The following CAMKMT variants were observed in gnomAD, a reference collection of about 807,000 sequenced individuals.
The protein encoded by CAMKMT is CaM KMT.
A neutral mutation model predicts 48.0 loss-of-function variants in CAMKMT; 53 were observed. The ratio of observed to expected loss-of-function variants is 1.10; its 90% CI spans 0.89 to 1.39. The LOEUF (loss-of-function observed/expected upper bound fraction) is 1.39, where lower values mean the gene tolerates loss of function less well. Among genes scored for constraint, CAMKMT ranks in the 40% most tolerant of loss-of-function variants. The probability of loss-of-function intolerance (pLI) is 0.00; values close to 1 mark genes in which losing one functional copy is unlikely to be tolerated. For missense variants in CAMKMT, 428 were observed against 402.7 expected, an observed-to-expected ratio of 1.06 and a Z score of -0.54; for synonymous variants, 165 against 152.3, an observed-to-expected ratio of 1.08 and a Z score of -0.61.
At chr2:44,543,052 G>C (rs898818037) in intron 3 of CAMKMT, among the ~76,000 whole-genome samples, 2 of 152,130 alleles carry the variant, frequency 1.3e-5, no homozygotes, top group East Asian at 3.8e-4. Context: ...TCGTTTACTA[G>C]TATCTTTAAC....
chr2:44,453,132 A>T (rs1667380276), intron 3 of CAMKMT, among the ~76,000 whole-genome samples: 1 of 151,984 alleles, frequency 6.6e-6, no homozygotes, highest in South Asian at 2.1e-4. Context: ...CTATTGTCTA[A>T]TTTGGTGTGC....
chr2:44,658,770 G>C (rs1468765000), intron 3 of CAMKMT, among the ~76,000 whole-genome samples: 1 of 152,130 alleles, frequency 6.6e-6, no homozygotes, highest in Non-Finnish European at 1.5e-5. Flanking sequence ...ATTGTCTTCA[G>C]AGTTCAGGTC....
At chr2:44,666,970 C>T (rs1269974515) in intron 3 of CAMKMT, among the ~76,000 whole-genome samples, 2 of 152,178 alleles carry the variant, frequency 1.3e-5, no homozygotes, top group East Asian at 3.8e-4. Context: ...TACCCCCAAA[C>T]CTTCTGCACT....
chr2:44,521,776 A>T (rs1671125528), intron 3 of CAMKMT, among the ~76,000 whole-genome samples: 1 of 152,012 alleles, frequency 6.6e-6, no homozygotes, highest in African/African-American at 2.4e-5. Context: ...TATCCCTTGA[A>T]CTCAGGAATT....
chr2:44,694,309 C>T (rs966480528), intron 3 of CAMKMT, among the ~76,000 whole-genome samples: 2 of 152,174 alleles, frequency 1.3e-5, no homozygotes, highest in African/African-American at 4.8e-5. Flanking sequence ...TGCGGTGGCT[C>T]ATGCCTGTAA....
chr2:44,405,078 T>A lies in CAMKMT; in HGVS notation c.376+14773T>A, dbSNP rs563769910. Reference sequence around the variant, plus strand: ...TTGTAAAAAATGAATGATAGATACATGGGAGTTCATTATTTTCTATCTCTA... The same window carrying A: ...TTGTAAAAAATGAATGATAGATACAAGGGAGTTCATTATTTTCTATCTCTA... On this transcript the variant is annotated intron_variant, in intron 3 of 10. Transcript: ENST00000378494. Among the ~76,000 whole-genome samples, 24 of 152,166 alleles carry A rather than the reference T, an allele frequency of 1.6e-4. 1 individual carries two copies. The East Asian group carries it at 3.7e-3, about 23-fold the overall frequency.
chr2:44,618,256 C>T lies in CAMKMT; in HGVS notation c.377-86027C>T, dbSNP rs796671351. Among the ~76,000 whole-genome samples the T allele has an allele frequency of 4.6e-5, 7 of 152,252 alleles. No homozygotes were observed. Among genetic ancestry groups the T allele is most frequent in the African/African-American group, 1.7e-4 (7 of 41,520 alleles). ...ACAAACTTTATTGAATTTGACTTAA[C>T]AGAAGTCAGAAGACAGCTGAAGCAT... is the stretch of plus-strand genomic sequence containing the variant. On this transcript the variant is annotated intron_variant, in intron 3 of 10. Coordinates refer to ENST00000378494, the MANE Select transcript of CAMKMT (RefSeq NM_024766.5). This position sits in a 1 kb window ranked among gnomAD's most constrained non-coding sequence, Gnocchi z 4.0.
intron 2 of CAMKMT, among the ~76,000 whole-genome samples, chr2:44,382,655 A>G (rs984492883): frequency 2.0e-5 from 3 of 151,252 alleles, no homozygotes; most frequent in African/African-American, 7.3e-5. Context: ...ATCTTTTTGT[A>G]TTTTTAGTAG....
chr2:44,758,593 T>C (rs1470511547), intron 9 of CAMKMT, among the ~76,000 whole-genome samples: 8 of 152,102 alleles, frequency 5.3e-5, no homozygotes, highest in Admixed American at 5.2e-4. Context: ...AACAATAGAA[T>C]AGGCATGAAA....
rs1431375963 is a variant in CAMKMT, at chr2:44,591,715, A to G, written c.377-112568A>G. 8.8e-4 allele frequency among the ~76,000 whole-genome samples: 133 copies of G among 151,526 alleles called. 1 individual carries two copies. Among genetic ancestry groups the G allele is most frequent in the South Asian group, 3.4e-3 (16 of 4,766 alleles). On this transcript the variant is annotated intron_variant, in intron 3 of 10. Transcript: ENST00000378494. ...TGACCCAGCCATCCCATTACTGGGT[A>G]TATACCCAAAGGACTATAAATCATG...
intron 3 of CAMKMT, among the ~76,000 whole-genome samples, chr2:44,495,531 C>G (rs1257515128): frequency 6.6e-6 from 1 of 152,098 alleles, no homozygotes; most frequent in Non-Finnish European, 1.5e-5. Flanking sequence ...TGAAAAAAAT[C>G]ATGAAAATAT....
intron 3 of CAMKMT, among the ~76,000 whole-genome samples, chr2:44,667,733 A>G (rs1210913095): frequency 2.0e-5 from 3 of 152,184 alleles, no homozygotes; most frequent in Non-Finnish European, 4.4e-5. Flanking sequence ...CAGGTCAAGC[A>G]TCCCATTCTC....
intron 3 of CAMKMT, among the ~76,000 whole-genome samples, chr2:44,514,014 A>G (rs188134587): frequency 1.3e-4 from 19 of 151,926 alleles, no homozygotes; most frequent in Admixed American, 1.1e-3. Flanking sequence ...AGGTGGGAGA[A>G]TCACCTGGGT....
chr2:44,568,302 A>T (rs1367033652), intron 3 of CAMKMT, among the ~76,000 whole-genome samples: 1 of 152,198 alleles, frequency 6.6e-6, no homozygotes, highest in East Asian at 1.9e-4. Context: ...TCAAAAGTTT[A>T]TGTGTGTTGT....
At chr2:44,690,194 A>C (rs1226337344) in intron 3 of CAMKMT, among the ~76,000 whole-genome samples, 1 of 152,228 alleles carries the variant, frequency 6.6e-6, no homozygotes, top group Non-Finnish European at 1.5e-5. Context: ...TAATTTCTTT[A>C]AAATGTCACA....
chr2:44,743,347 AG>A (rs1679783898), intron 7 of CAMKMT, among the ~76,000 whole-genome samples: 1 of 152,204 alleles, frequency 6.6e-6, no homozygotes, highest in Non-Finnish European at 1.5e-5. Flanking sequence ...ACTACGGTAA[AG>A]ATAAGATATT....
At chr2:44,435,681 C>G (rs1027625985) in intron 3 of CAMKMT, among the ~76,000 whole-genome samples, 1 of 152,174 alleles carries the variant, frequency 6.6e-6, no homozygotes, top group African/African-American at 2.4e-5. Context: ...TTTGGTATGT[C>G]TTTAGCTTTT....
chr2:44,703,615 T>C (rs1677375934), intron 3 of CAMKMT, among the ~76,000 whole-genome samples: 1 of 151,906 alleles, frequency 6.6e-6, no homozygotes, highest in African/African-American at 2.4e-5. Flanking sequence ...CAGTCTCTAC[T>C]GAAAATACAA....
At chr2:44,420,498 T>G (rs1461903744) in intron 3 of CAMKMT, among the ~76,000 whole-genome samples, 2 of 152,076 alleles carry the variant, frequency 1.3e-5, no homozygotes, top group Non-Finnish European at 2.9e-5. Context: ...CAGTTGACTT[T>G]TTTATTGATG....
Sources: allele counts gnomAD v4.1 joint callset (sites outside exome capture counted in the v4.1 genomes callset), GRCh38; gene constraint gnomAD v4.1.1; non-coding constraint Gnocchi (gnomAD v3.1); transcripts MANE v1.5; gene names NCBI Gene and HGNC (gene_info 2026-07-23, HGNC 2026-07-21).